The following CACNA1H variants were observed in gnomAD, a reference collection of about 807,000 sequenced individuals.
CACNA1H encodes the protein voltage-dependent T-type calcium channel subunit alpha-1H.
A neutral mutation model predicts 192.5 loss-of-function variants in CACNA1H; 149 were observed. That is an observed-to-expected ratio of 0.77 (90% CI 0.68 to 0.89). The LOEUF is 0.89. CACNA1H is among the 40% of genes least tolerant of loss of function. CACNA1H has a pLI of 0.00. For missense variants in CACNA1H, 4,257 were observed against 3,423.5 expected (o/e 1.24, Z -6.08); for synonymous variants, 2,202 against 1,475.2 (o/e 1.49, Z -11.29).
rs776859671 is a variant in CACNA1H, at chr16:1,215,516, G to C, written c.5174-7G>C. 5.6e-6 allele frequency: 9 copies of C among 1,610,550 alleles called. No individual in the cohort carries two copies. In the African/African-American group the frequency reaches 1.2e-4, roughly 22 times the overall value. On this transcript the variant is annotated splice_polypyrimidine_tract_variant and splice_region_variant and intron_variant, in intron 29 of 34. Coordinates refer to ENST00000348261, the MANE Select transcript of CACNA1H (RefSeq NM_021098.3). ...CAGCCCTGCTGACGCTCAGCTCCCG[G>C]CCCTAGTGCTGAAGCTGCTGAAGAT...
chr16:1,211,037 T>G, intron 21 of CACNA1H, 66 bp downstream of exon 21: 1 of 1,555,588 alleles, frequency 6.4e-7, no homozygotes, highest in Non-Finnish European at 8.7e-7. Context: ...CACTGCCCAT[T>G]ACTCCTCCCG....
chr16:1,208,572 C>T (rs1969038061), intron 16 of CACNA1H, among the ~76,000 whole-genome samples: 1 of 152,222 alleles, frequency 6.6e-6, no homozygotes, highest in Non-Finnish European at 1.5e-5. Flanking sequence ...GCCCGATTCC[C>T]TTTACGGCCA....
chr16:1,174,985 T>G (rs1010617188), intron 2 of CACNA1H, among the ~76,000 whole-genome samples: 5 of 129,138 alleles, frequency 3.9e-5, no homozygotes, highest in African/African-American at 1.4e-4. Flanking sequence ...GGCCTGGCCA[T>G]GGCTCCGTGG....
intron 34 of CACNA1H, 52 bp downstream of exon 34, chr16:1,219,182 C>T (rs1478401474): frequency 8.2e-6 from 12 of 1,458,056 alleles, no homozygotes; most frequent in South Asian, 5.4e-5. Flanking sequence ...GGGGGGCTTG[C>T]AGGGATGCCT....
Position 1,210,801 on chromosome 16 carries a change from G to T in CACNA1H, c.4053G>T (p.Gly1351=), listed in dbSNP as rs1969351362. 3 of 1,601,282 alleles carry T rather than the reference G, an allele frequency of 1.9e-6. No homozygotes were observed. Among genetic ancestry groups the T allele is most frequent in the Admixed American group, 3.3e-5 (2 of 59,980 alleles). The change falls in exon 21 of 35, where the codon GGG becomes GGT. Residue 1351 remains glycine, a synonymous_variant. Coordinates refer to ENST00000348261, the MANE Select transcript of CACNA1H (RefSeq NM_021098.3). ...AEMMVKVVAL[G]LLSGEHAYLQ... Reference sequence around the variant, plus strand: ...GCCCTCCGCAGGTGGTGGCCCTGGGGCTGCTGTCCGGCGAGCACGCCTACC... The same window carrying T: ...GCCCTCCGCAGGTGGTGGCCCTGGGTCTGCTGTCCGGCGAGCACGCCTACC...
At chr16:1,206,935 C>G in intron 12 of CACNA1H, 66 bp from the exon 13 acceptor site, 1 of 261,310 alleles carries the variant, frequency 3.8e-6, no homozygotes, top group Non-Finnish European at 7.8e-6. Flanking sequence ...CCTCCCGCTC[C>G]CCCACCTTCT....
intron 18 of CACNA1H, 72 bp downstream of exon 18, chr16:1,210,207 GGGT>G: frequency 7.4e-7 from 1 of 1,348,776 alleles, no homozygotes; most frequent in Non-Finnish European, 1.0e-6. Flanking sequence ...GGTCCCTCCT[GGGT>G]GGGGCTAGCA....
At chr16:1,164,572 G>A (rs965353673) in intron 2 of CACNA1H, among the ~76,000 whole-genome samples, 1 of 152,258 alleles carries the variant, frequency 6.6e-6, no homozygotes, top group African/African-American at 2.4e-5. Context: ...CCTGCAGCGT[G>A]GGCACAGGGG....
intron 25 of CACNA1H, 130 bp downstream of exon 25, chr16:1,212,268 C>T (rs1217029267): frequency 2.9e-6 from 4 of 1,360,406 alleles, no homozygotes; most frequent in East Asian, 5.0e-5. Flanking sequence ...CCTGGGCCTG[C>T]ATGGGGGCTG....
Position 1,212,568 on chromosome 16 carries a change from C to T in CACNA1H, c.4777+40C>T, listed in dbSNP as rs757623721. ...CCGCATGCCTCAGGCCCCGCTTCTG[C>T]GGCCGCTGCTCGGGGAAGGGCGGGC... On this transcript the variant is annotated intron_variant, in intron 26 of 34. Transcript: ENST00000348261. 52 of 1,597,874 alleles carry T rather than the reference C, an allele frequency of 3.3e-5. 1 individual carries two copies. Among genetic ancestry groups the T allele is most frequent in the African/African-American group, 2.8e-4 (21 of 74,502 alleles).
Position 1,215,387 on chromosome 16 carries a change from C to T in CACNA1H, c.5173+12C>T, listed in dbSNP as rs372537247. On this transcript the variant is annotated intron_variant, in intron 29 of 34. Transcript: ENST00000348261. ...TCGCATTGCCCGTGGTAGGTGCCCG[C>T]GTGCCCGCCAGGTTCTCTCTGCGGG... 1.4e-5 allele frequency: 20 copies of T among 1,392,144 alleles called. No homozygotes were observed. The highest frequency in any genetic ancestry group is 1.2e-4 in the African/African-American group (8 of 67,412). The allele number at this position is 1,392,144 out of a possible 1,614,324, so 86.2% of individuals were successfully genotyped here.
intron 3 of CACNA1H, 58 bp from the exon 4 acceptor site, chr16:1,195,374 G>A (rs1555508937): frequency 1.9e-6 from 3 of 1,546,460 alleles, no homozygotes; most frequent in Admixed American, 2.0e-5. Flanking sequence ...GGCTGGGGTT[G>A]GGGGTTGTGG....
chr16:1,216,774 C>G (rs1970059784), intron 30 of CACNA1H, among the ~76,000 whole-genome samples, 158 bp from the exon 31 acceptor site: 1 of 145,840 alleles, frequency 6.9e-6, no homozygotes, highest in Non-Finnish European at 1.5e-5. Context: ...GGGGTCCCCG[C>G]CCAGCTCTGG....
chr16:1,189,921 T>G (rs979834018), intron 2 of CACNA1H, among the ~76,000 whole-genome samples: 1 of 152,202 alleles, frequency 6.6e-6, no homozygotes, highest in Non-Finnish European at 1.5e-5. Context: ...GGGGAACATG[T>G]CATCCAGGCC....
chr16:1,164,974 G>T (rs1963612329), intron 2 of CACNA1H, among the ~76,000 whole-genome samples: 1 of 152,166 alleles, frequency 6.6e-6, no homozygotes, highest in South Asian at 2.1e-4. Context: ...GGGCCCCTCG[G>T]TCCAGCATGG....
At chr16:1,208,242 C>T (rs1968989380) in intron 16 of CACNA1H, 21 bp downstream of exon 16, 8 of 1,521,904 alleles carry the variant, frequency 5.3e-6, no homozygotes, top group Non-Finnish European at 7.1e-6. Context: ...TCTCCTGCCC[C>T]AGCTCTCAGG....
At chr16:1,186,572 G>A (rs1353985179) in intron 2 of CACNA1H, among the ~76,000 whole-genome samples, 1 of 152,046 alleles carries the variant, frequency 6.6e-6, no homozygotes, top group Admixed American at 6.6e-5. Flanking sequence ...CTCTGCACAC[G>A]TGCCCACACA....
chr16:1,189,761 G>T (rs1364570144), intron 2 of CACNA1H, among the ~76,000 whole-genome samples: 2 of 152,070 alleles, frequency 1.3e-5, no homozygotes, highest in Non-Finnish European at 2.9e-5. Flanking sequence ...TGAGGGACAG[G>T]ATGGGTACTG....
chr16:1,217,461 GA>G (rs1414991919), intron 31 of CACNA1H, among the ~76,000 whole-genome samples: 1 of 151,324 alleles, frequency 6.6e-6, no homozygotes, highest in East Asian at 2.0e-4. Context: ...GGCAGGTGGG[GA>G]CCCTCCTTAG....
Sources: gnomAD v4.1 joint callset for allele counts (sites outside exome capture counted in the v4.1 genomes callset) on GRCh38, gnomAD v4.1.1 for gene constraint, MANE v1.5 for transcripts, NCBI Gene and HGNC (gene_info 2026-07-23, HGNC 2026-07-21) for gene names.